RGS5: variants seen among roughly 807,000 people sequenced by gnomAD.
RGS5 encodes regulator of G protein signaling 5, also known as regulator of G-protein signalling 5.
In RGS5, 20 loss-of-function variants were observed where a neutral mutation model predicts 18.9. The ratio of observed to expected loss-of-function variants is 1.06; its 90% CI spans 0.74 to 1.54. The LOEUF (loss-of-function observed/expected upper bound fraction) is 1.54. RGS5 is among the 40% of genes most tolerant of loss of function. RGS5 has a pLI of 0.00. For synonymous variants in RGS5, 57 were observed against 76.2 expected (o/e 0.75, Z 1.31); for missense variants, 201 against 211.8 (o/e 0.95, Z 0.32).
chr1:163,149,347 CT>C (rs1425340606), intron 4 of RGS5, among the ~76,000 whole-genome samples: 2 of 152,152 alleles, frequency 1.3e-5, no homozygotes, highest in African/African-American at 4.8e-5. Context: ...TCTTCCTTCT[CT>C]TATATTAAGT....
At chr1:163,186,811 C>T (rs761622593) in intron 1 of RGS5, among the ~76,000 whole-genome samples, 1 of 152,096 alleles carries the variant, frequency 6.6e-6, no homozygotes, top group Non-Finnish European at 1.5e-5. Flanking sequence ...TGGTCCGTTA[C>T]CCTGAATCAA....
upstream of RGS5, among the ~76,000 whole-genome samples, chr1:163,221,269 G>C (rs1647221815): frequency 6.6e-6 from 1 of 152,164 alleles, no homozygotes; most frequent in African/African-American, 2.4e-5. Flanking sequence ...AGGCCAAGGT[G>C]AGCAGATCAC....
At chr1:163,262,610 A>G (rs1648475136) in intron 2 of RGS5, among the ~76,000 whole-genome samples, 1 of 114,214 alleles carries the variant, frequency 8.8e-6, no homozygotes, top group Non-Finnish European at 1.8e-5. Flanking sequence ...TAGTGCCGCA[A>G]TAAACATACG....
At chr1:163,153,122 C>T (rs572946640) in intron 3 of RGS5, among the ~76,000 whole-genome samples, 3 of 152,270 alleles carry the variant, frequency 2.0e-5, no homozygotes, top group African/African-American at 7.2e-5. Context: ...TAAAACTTGG[C>T]TTGTCTATGC....
intron 1 of RGS5, among the ~76,000 whole-genome samples, chr1:163,186,103 GCTCTGT>G (rs1659059692): frequency 6.8e-6 from 1 of 146,004 alleles, no homozygotes; most frequent in Non-Finnish European, 1.5e-5. Flanking sequence ...ATAGAGTCTT[GCTCTGT>G]CACCCAGGCT....
At chr1:163,174,057 C>T (rs894863732) in intron 1 of RGS5, among the ~76,000 whole-genome samples, 1 of 152,146 alleles carries the variant, frequency 6.6e-6, no homozygotes, top group Non-Finnish European at 1.5e-5. Context: ...GCCTGGACAA[C>T]AGAGCAAGAC....
chr1:163,147,918 C>CTTTTTCTTTTTTTTCT (rs1657207565), intron 4 of RGS5, among the ~76,000 whole-genome samples: 1 of 78,092 alleles, frequency 1.3e-5, no homozygotes, highest in East Asian at 3.9e-4. Flanking sequence ...TTTTCTTTTT[C>CTTTTTCTTTTTTTTCT]TTTTTTTTTT....
chr1:163,170,191 G>A (rs1658238359), intron 1 of RGS5, among the ~76,000 whole-genome samples: 2 of 152,110 alleles, frequency 1.3e-5, no homozygotes, highest in Admixed American at 6.6e-5. Flanking sequence ...TTAAGACAGG[G>A]TTCATCATAT....
At chr1:163,296,944 T>C (rs779638054) in intron 2 of RGS5, among the ~76,000 whole-genome samples, 2 of 152,188 alleles carry the variant, frequency 1.3e-5, no homozygotes, top group Non-Finnish European at 2.9e-5. Context: ...GGAATCTTTA[T>C]TTGCAAGAGT....
chr1:163,203,811 T>C (rs902108022), upstream of RGS5, among the ~76,000 whole-genome samples: 2 of 152,144 alleles, frequency 1.3e-5, no homozygotes, highest in Non-Finnish European at 2.9e-5. Context: ...CTTCAAACTT[T>C]TCCTGCTTCC....
At chr1:163,195,165 A>G (rs569763152) in intron 1 of RGS5, among the ~76,000 whole-genome samples, 141 of 152,326 alleles carry the variant, frequency 9.3e-4, no homozygotes, top group African/African-American at 3.3e-3. Flanking sequence ...TTGCAGTTGC[A>G]AAGATATAGA....
chr1:163,222,956 T>G (rs1187687122), intron 2 of RGS5, among the ~76,000 whole-genome samples: 1 of 152,120 alleles, frequency 6.6e-6, no homozygotes, highest in East Asian at 1.9e-4. Context: ...ACCTCCCAGG[T>G]GCCTCAGCCT....
intron 1 of RGS5, among the ~76,000 whole-genome samples, chr1:163,172,119 A>G (rs2102405681): frequency 6.6e-6 from 1 of 152,342 alleles, no homozygotes; most frequent in South Asian, 2.1e-4. Context: ...GTGAGACAGC[A>G]GAAAGCCCAT....
intron 1 of RGS5, chr1:163,321,325 G>C (rs1252415818): frequency 6.6e-6 from 1 of 152,198 alleles, no homozygotes; most frequent in Non-Finnish European, 1.5e-5. Context: ...GTGAAAGCGA[G>C]AGGATTTGAC....
At chr1:163,262,169 T>TTA (rs35124593) in intron 2 of RGS5, among the ~76,000 whole-genome samples, 4 of 143,558 alleles carry the variant, frequency 2.8e-5, no homozygotes, top group Admixed American at 1.4e-4. Context: ...TTTTTTTTTT[T>TTA]ATTATACTCT....
rs1222045679 is a variant in RGS5, at chr1:163,167,100, T to C, written c.155+1158A>G. Among the ~76,000 whole-genome samples the C allele has an allele frequency of 3.3e-5, 5 of 152,068 alleles. No homozygotes were observed. In the East Asian group the frequency reaches 7.7e-4, roughly 23 times the overall value. On this transcript the variant is annotated intron_variant, in intron 2 of 4. Coordinates refer to ENST00000313961, the MANE Select transcript of RGS5 (RefSeq NM_003617.4). ...GAATGGAAATATTCACTTAGGCTAATGGAAAAAGATTAAAAAAAGAGAAAG... is the reference window on the plus strand; with the variant it reads ...GAATGGAAATATTCACTTAGGCTAACGGAAAAAGATTAAAAAAAGAGAAAG...
chr1:163,226,586 C>T (rs919541665), intron 2 of RGS5, among the ~76,000 whole-genome samples: 7 of 152,118 alleles, frequency 4.6e-5, no homozygotes, highest in African/African-American at 1.7e-4. Flanking sequence ...TTGAGATGCA[C>T]CGCCACCCTA....
chr1:163,221,358 G>A (rs149927384), upstream of RGS5, among the ~76,000 whole-genome samples: 92 of 152,226 alleles, frequency 6.0e-4, no homozygotes, highest in African/African-American at 1.8e-3. Context: ...TTAGCTGGGC[G>A]TGGTGGTGTG....
intron 2 of RGS5, among the ~76,000 whole-genome samples, chr1:163,280,528 T>TA (rs1405713444): frequency 2.0e-5 from 3 of 152,096 alleles, no homozygotes; most frequent in Non-Finnish European, 2.9e-5. Flanking sequence ...GTAATAGCTT[T>TA]AAAAAATACC....
Sources: allele counts gnomAD v4.1 joint callset (sites outside exome capture counted in the v4.1 genomes callset), GRCh38; gene constraint gnomAD v4.1.1; transcripts MANE v1.5; gene names NCBI Gene and HGNC (gene_info 2026-07-23, HGNC 2026-07-21).